Variants in MAPK6 observed in about 807,000 individuals in gnomAD.
MAPK6 encodes the protein ERK-3.
A neutral mutation model predicts 59.3 loss-of-function variants in MAPK6; 19 were observed. That is an observed-to-expected ratio of 0.32 (90% CI 0.22 to 0.47). The LOEUF is 0.47. MAPK6 is among the 20% of genes least tolerant of loss of function. The probability of loss-of-function intolerance (pLI) is 1.00; values close to 1 mark genes in which losing one functional copy is unlikely to be tolerated. For missense variants in MAPK6, 724 were observed against 847.9 expected (o/e 0.85, Z 1.81); for synonymous variants, 316 against 290.3 (o/e 1.09, Z -0.90).
intron 3 of MAPK6, among the ~76,000 whole-genome samples, chr15:52,050,796 A>G (rs1237993573): frequency 2.0e-5 from 3 of 152,194 alleles, no homozygotes; most frequent in Non-Finnish European, 4.4e-5. Flanking sequence ...TGTGTTATTT[A>G]AGGGTACCCA....
At position 52,064,356 on chromosome 15, in the gene MAPK6, G is replaced by C; in HGVS notation, c.1522G>C (p.Glu508Gln). ...NGLVKAQIALEEASQQLAGKE... is the reference protein window; with the variant it reads ...NGLVKAQIALQEASQQLAGKE... ...ATTGGTTAAAGCCCAGATAGCGCTA[G>C]AGGAAGCATCACAGCAACTGGCTGG... Residue 508 changes from glutamate (E) to glutamine (Q), a missense_variant, in exon 6 of 6, where the codon GAG (glutamate) becomes CAG (glutamine). Around this residue, in one of 4 missense-constraint regions of MAPK6, gnomAD observed 502 missense variants for 507.6 expected, o/e 0.99. Coordinates refer to ENST00000261845, the MANE Select transcript of MAPK6 (RefSeq NM_002748.4). 1 of 1,611,774 alleles carries C rather than the reference G, an allele frequency of 6.2e-7. No homozygotes were observed. Among genetic ancestry groups the C allele is most frequent in the Non-Finnish European group, 8.5e-7 (1 of 1,179,762 alleles).
In MAPK6 at chr15:51,979,725, C is replaced by T. The variant is rs552477261; in HGVS notation, c.-879-3481C>T. Among the ~76,000 whole-genome samples, 47 of 151,420 alleles carry T rather than the reference C, an allele frequency of 3.1e-4. 1 individual carries two copies. Among genetic ancestry groups the T allele is most frequent in the Admixed American group, 2.0e-3 (31 of 15,212 alleles). ...GGAGGATCACTTGAGCCTGGGAGGT[C>T]GAGAGTATAATAAGGCAGAGATTGC... is the stretch of plus-strand genomic sequence containing the variant. On this transcript the variant is annotated intron_variant, in intron 1 of 7. Transcript: ENST00000691380.
chr15:51,988,346 A>G (rs1466511569), intron 2 of MAPK6, among the ~76,000 whole-genome samples: 1 of 152,192 alleles, frequency 6.6e-6, no homozygotes, highest in African/African-American at 2.4e-5. Flanking sequence ...AAAAGAAAAG[A>G]TAGAAACATT....
At chr15:51,999,120 A>G (rs2057235050) in intron 2 of MAPK6, among the ~76,000 whole-genome samples, 1 of 151,500 alleles carries the variant, frequency 6.6e-6, no homozygotes, top group Non-Finnish European at 1.5e-5. Context: ...CTCAGCCTCC[A>G]GAGTAGCTGA....
At chr15:51,992,526 G>C (rs144126919) in intron 2 of MAPK6, among the ~76,000 whole-genome samples, 1 of 151,436 alleles carries the variant, frequency 6.6e-6, no homozygotes, top group Non-Finnish European at 1.5e-5. Context: ...GGATGGTCTC[G>C]ATCTTCTGAC....
intron 3 of MAPK6, among the ~76,000 whole-genome samples, chr15:52,005,032 G>A (rs930917412): frequency 6.6e-6 from 1 of 152,158 alleles, no homozygotes; most frequent in Non-Finnish European, 1.5e-5. Flanking sequence ...ACTGTTGGAC[G>A]ACATTTCTTT....
chr15:52,027,766 T>C (rs912269000), intron 1 of MAPK6: 1 of 150,286 alleles, frequency 6.7e-6, no homozygotes, highest in Non-Finnish European at 1.5e-5. Flanking sequence ...TATTTATTTA[T>C]TTATTTATTT....
intron 2 of MAPK6, among the ~76,000 whole-genome samples, chr15:52,047,238 G>A (rs1033957530): frequency 2.0e-5 from 3 of 152,142 alleles, no homozygotes; most frequent in African/African-American, 7.2e-5. Flanking sequence ...AAATTTTAAA[G>A]TGTATGGTTA....
intron 3 of MAPK6, among the ~76,000 whole-genome samples, chr15:52,008,452 T>G (rs1237180120): frequency 5.3e-5 from 8 of 152,182 alleles, no homozygotes; most frequent in Non-Finnish European, 1.2e-4. Context: ...ACTTATTTGC[T>G]TTGTCTTGCT....
chr15:52,027,997 A>G (rs1389658368), intron 1 of MAPK6: 1 of 114,526 alleles, frequency 8.7e-6, no homozygotes, highest in Non-Finnish European at 1.6e-5. Flanking sequence ...TCTGTTGCCC[A>G]GGCGGAGTGC....
intron 1 of MAPK6, among the ~76,000 whole-genome samples, chr15:52,024,878 CTTTTTTTTTTTT>C (rs35983896): frequency 2.4e-5 from 2 of 84,150 alleles, no homozygotes; most frequent in Non-Finnish European, 4.3e-5. Flanking sequence ...CATACACTGC[CTTTTTTTTTTTT>C]TTTTTTTTTT....
Position 52,013,004 on chromosome 15 carries a change from AAAAAAAAAAAAAAAAAATATATATATAT to A in MAPK6, c.-632+8604_-632+8631del, listed in dbSNP as rs1229975021. On this transcript the variant is annotated intron_variant, in intron 3 of 7. Coordinates refer to the MAPK6 transcript ENST00000691380. ...TCCGCCTGGAAAAAAAAAAAAAAAA[AAAAAAAAAAAAAAAAAATATATATATAT>A]ATATATATATATATATATATATATA... Among the ~76,000 whole-genome samples, 35 of 18,746 alleles carry A rather than the reference AAAAAAAAAAAAAAAAAATATATATATAT, an allele frequency of 1.9e-3. 1 individual carries two copies. The highest frequency in any genetic ancestry group is 2.5e-3 in the Admixed American group (3 of 1,178). 12.3% of individuals were successfully genotyped at this position (18,746 alleles called of 152,430 possible).
chr15:52,061,792 G>A (rs2032213161), intron 5 of MAPK6, among the ~76,000 whole-genome samples: 1 of 151,894 alleles, frequency 6.6e-6, no homozygotes, highest in Admixed American at 6.6e-5. Context: ...TTTAGTAATG[G>A]TCCTTAATAT....
chr15:52,003,316 C>T (rs144901879), intron 2 of MAPK6, among the ~76,000 whole-genome samples: 1 of 152,188 alleles, frequency 6.6e-6, no homozygotes, highest in Non-Finnish European at 1.5e-5. Flanking sequence ...CTCCCTCCCT[C>T]GACACATGGT....
At chr15:52,058,550 A>C in intron 3 of MAPK6, 83 bp from the exon 4 acceptor site, 1 of 1,167,318 alleles carries the variant, frequency 8.6e-7, no homozygotes, top group Non-Finnish European at 1.2e-6. Flanking sequence ...TGGTCATTAT[A>C]ATATTTAAAT....
chr15:51,990,529 C>T (rs886607596), intron 2 of MAPK6, among the ~76,000 whole-genome samples: 1 of 152,130 alleles, frequency 6.6e-6, no homozygotes, highest in African/African-American at 2.4e-5. Context: ...AAAATATGGG[C>T]TTATGGCTGG....
At chr15:52,045,249 T>C (rs2031562013) in intron 1 of MAPK6, among the ~76,000 whole-genome samples, 2 of 152,308 alleles carry the variant, frequency 1.3e-5, no homozygotes, top group South Asian at 4.1e-4. Flanking sequence ...GAGATGCATG[T>C]TTTTTCAATC....
intron 3 of MAPK6, among the ~76,000 whole-genome samples, chr15:52,010,221 T>C (rs1341646745): frequency 1.3e-5 from 2 of 152,104 alleles, no homozygotes; most frequent in Non-Finnish European, 2.9e-5. Flanking sequence ...GGATAAGTTG[T>C]TTTTTTGTTT....
intron 2 of MAPK6, among the ~76,000 whole-genome samples, chr15:51,987,612 C>T (rs768068335): frequency 6.6e-6 from 1 of 151,866 alleles, no homozygotes; most frequent in Non-Finnish European, 1.5e-5. Flanking sequence ...GAGTGAGACT[C>T]TGCCTCAAAA....
Sources: gnomAD v4.1 joint callset for allele counts (sites outside exome capture counted in the v4.1 genomes callset) on GRCh38, gnomAD v4.1.1 for gene constraint, gnomAD v4.1.1 regional missense constraint, MANE v1.5 for transcripts, NCBI Gene and HGNC (gene_info 2026-07-23, HGNC 2026-07-21) for gene names.